The following RBFOX1 variants were observed in gnomAD, a reference collection of about 807,000 sequenced individuals.
RBFOX1 encodes the protein RNA binding protein fox-1 homolog 1.
A neutral mutation model predicts 57.7 loss-of-function variants in RBFOX1; 8 were observed. That is an observed-to-expected ratio of 0.14 (90% CI 0.08 to 0.25). RBFOX1 has a LOEUF of 0.25. Among genes scored for constraint, RBFOX1 ranks in the 10% least tolerant of loss-of-function variants. The pLI is 1.00. For synonymous variants in RBFOX1, 326 were observed against 222.4 expected (o/e 1.47, Z -4.15); for missense variants, 611 against 548.5 (o/e 1.11, Z -1.14).
At chr16:5,678,363 A>G (rs898248012) in intron 3 of RBFOX1, among the ~76,000 whole-genome samples, 6 of 152,210 alleles carry the variant, frequency 3.9e-5, no homozygotes, top group Non-Finnish European at 8.8e-5. Context: ...TTGAACAAAC[A>G]AGTATTCGTC....
At chr16:5,395,141 A>T (rs1171914382) in intron 1 of RBFOX1, among the ~76,000 whole-genome samples, 1 of 152,182 alleles carries the variant, frequency 6.6e-6, no homozygotes, top group East Asian at 1.9e-4. Context: ...ACTACCTGCC[A>T]GTTTTGGGGC....
chr16:7,533,385 C>G (rs1186233790), intron 5 of RBFOX1, among the ~76,000 whole-genome samples: 2 of 152,108 alleles, frequency 1.3e-5, no homozygotes, highest in East Asian at 3.8e-4. Context: ...CCTTGAAACA[C>G]CCATACACAT....
intron 2 of RBFOX1, among the ~76,000 whole-genome samples, chr16:6,394,854 T>G (rs1268959802): frequency 1.3e-5 from 2 of 152,184 alleles, no homozygotes; most frequent in African/African-American, 2.4e-5. Flanking sequence ...AGAAACTAAC[T>G]GTTTAAAAAT....
chr16:7,209,992 C>T (rs914594017), intron 4 of RBFOX1, among the ~76,000 whole-genome samples: 1 of 152,166 alleles, frequency 6.6e-6, no homozygotes, highest in African/African-American at 2.4e-5. Context: ...TATTAAACTG[C>T]CTTGCCTCTA....
At chr16:7,039,276 G>C (rs2153703624) in intron 3 of RBFOX1, among the ~76,000 whole-genome samples, 1 of 152,204 alleles carries the variant, frequency 6.6e-6, no homozygotes, top group Non-Finnish European at 1.5e-5. Context: ...TTAGTACTTA[G>C]CCTTGACAAG....
Position 5,881,048 on chromosome 16 carries a change from C to G in RBFOX1, c.351+13713C>G, listed in dbSNP as rs542710014. ...TTGTAATACTACTGCAATGTTGTGT[C>G]TTATATTTAAAGGGAGTGCTAGATT... On this transcript the variant is annotated intron_variant, in intron 4 of 19. Coordinates refer to the RBFOX1 transcript ENST00000641259. Among the ~76,000 whole-genome samples the G allele has an allele frequency of 2.0e-4, 30 of 152,238 alleles. 1 individual carries two copies. Among genetic ancestry groups the G allele is most frequent in the Middle Eastern group, 6.8e-3 (2 of 294 alleles).
chr16:5,297,766 A>C (rs534901931), intron 1 of RBFOX1, among the ~76,000 whole-genome samples: 84 of 152,350 alleles, frequency 5.5e-4, no homozygotes, highest in African/African-American at 1.8e-3. Flanking sequence ...GGTTGCATGT[A>C]AGATTTTAGG....
At chr16:6,261,397 A>G (rs528033366) in intron 1 of RBFOX1, among the ~76,000 whole-genome samples, 1 of 152,322 alleles carries the variant, frequency 6.6e-6, no homozygotes, top group East Asian at 1.9e-4. Context: ...AGCAAAAGCA[A>G]CTTCCAAACA....
intron 5 of RBFOX1, among the ~76,000 whole-genome samples, chr16:7,553,308 T>TAATTTTTAA (rs1392890195): frequency 1.3e-5 from 2 of 151,906 alleles, no homozygotes; most frequent in African/African-American, 4.8e-5. Context: ...CCACACCCCC[T>TAATTTTTAA]AATTTTTAAA....
chr16:7,497,685 A>C (rs925351379), intron 4 of RBFOX1, among the ~76,000 whole-genome samples: 2 of 152,236 alleles, frequency 1.3e-5, no homozygotes. Context: ...ATTTCGAATG[A>C]ATTAATGAAT....
intron 2 of RBFOX1, among the ~76,000 whole-genome samples, chr16:5,528,987 T>A (rs11646889): frequency 6.6e-6 from 1 of 151,630 alleles, no homozygotes; most frequent in Non-Finnish European, 1.5e-5. Flanking sequence ...TAAACCTGAT[T>A]CTCATCTGGT....
chr16:5,984,431 A>G (rs1023815468), intron 4 of RBFOX1, among the ~76,000 whole-genome samples: 6 of 151,768 alleles, frequency 4.0e-5, no homozygotes, highest in African/African-American at 1.5e-4. Flanking sequence ...GGAACGCATC[A>G]ATTAATTTAC....
At chr16:7,463,990 G>C (rs186928056) in intron 4 of RBFOX1, among the ~76,000 whole-genome samples, 87 of 152,330 alleles carry the variant, frequency 5.7e-4, no homozygotes, top group African/African-American at 2.0e-3. Flanking sequence ...CAGAAGGAAA[G>C]TGTGAAGCTG....
At chr16:6,053,015 C>T (rs1288962109) in intron 1 of RBFOX1, among the ~76,000 whole-genome samples, 1 of 151,996 alleles carries the variant, frequency 6.6e-6, no homozygotes, top group Non-Finnish European at 1.5e-5. Context: ...ATTAATATCA[C>T]CACATCTCAG....
At chr16:7,658,658 A>T (rs2066923336) in intron 12 of RBFOX1, among the ~76,000 whole-genome samples, 1 of 152,124 alleles carries the variant, frequency 6.6e-6, no homozygotes, top group Non-Finnish European at 1.5e-5. Context: ...TCAAAGAGGA[A>T]CTCGATGAGT....
At chr16:5,534,314 A>G (rs1401301564) in intron 2 of RBFOX1, among the ~76,000 whole-genome samples, 2 of 152,156 alleles carry the variant, frequency 1.3e-5, no homozygotes, top group East Asian at 3.9e-4. Context: ...GGAGTTTATT[A>G]AGGAGAATTG....
chr16:6,776,986 G>A (rs186240284), intron 3 of RBFOX1, among the ~76,000 whole-genome samples: 11 of 152,306 alleles, frequency 7.2e-5, no homozygotes, highest in Non-Finnish European at 1.3e-4. Context: ...TGATTTTGAT[G>A]CAGTTGTAAT....
intron 3 of RBFOX1, among the ~76,000 whole-genome samples, chr16:6,955,722 A>T (rs1220209372): frequency 1.5e-5 from 2 of 133,278 alleles, no homozygotes; most frequent in Non-Finnish European, 3.2e-5. Context: ...TTTATTTTTG[A>T]GAGGGAGTTT....
intron 5 of RBFOX1, among the ~76,000 whole-genome samples, chr16:7,578,198 A>G (rs2093480844): frequency 6.6e-6 from 1 of 152,222 alleles, no homozygotes; most frequent in African/African-American, 2.4e-5. Context: ...CCAAGTTAGC[A>G]CACATTAATC....
Sources: allele counts gnomAD v4.1 joint callset (sites outside exome capture counted in the v4.1 genomes callset), GRCh38; gene constraint gnomAD v4.1.1; transcripts MANE v1.5; gene names NCBI Gene and HGNC (gene_info 2026-07-23, HGNC 2026-07-21).